ERBB4: variants seen among roughly 807,000 people sequenced by gnomAD.
The protein encoded by ERBB4 is receptor tyrosine-protein kinase erbB-4.
ERBB4 carries 42 observed loss-of-function variants against 158.0 expected under a neutral mutation model. The ratio of observed to expected loss-of-function variants is 0.27; its 90% CI spans 0.21 to 0.34. The LOEUF is 0.34. Ranked by LOEUF, ERBB4 falls within the 10% of genes least tolerant of loss-of-function variation. The probability of loss-of-function intolerance (pLI) is 1.00; values close to 1 mark genes in which losing one functional copy is unlikely to be tolerated. For missense variants in ERBB4, 1,333 were observed against 1,624.1 expected (o/e 0.82, Z 3.08); for synonymous variants, 583 against 558.7 (o/e 1.04, Z -0.61).
At chr2:211,852,175 T>A (rs1306362693) in intron 3 of ERBB4, among the ~76,000 whole-genome samples, 1 of 151,942 alleles carries the variant, frequency 6.6e-6, no homozygotes, top group African/African-American at 2.4e-5. Flanking sequence ...ACTTGCAGAT[T>A]AATCATCCAA....
chr2:212,256,071 C>T (rs1308765608), intron 1 of ERBB4, among the ~76,000 whole-genome samples: 1 of 151,294 alleles, frequency 6.6e-6, no homozygotes, highest in East Asian at 1.9e-4. Flanking sequence ...TGGTGTCAAG[C>T]AGTCCTCCCA....
At chr2:212,469,024 G>A (rs891966456) in intron 1 of ERBB4, among the ~76,000 whole-genome samples, 2 of 152,106 alleles carry the variant, frequency 1.3e-5, no homozygotes, top group African/African-American at 4.8e-5. Flanking sequence ...TTTCTAAAAT[G>A]TTAACTGTGT....
At chr2:212,505,110 T>A (rs6755764) in intron 1 of ERBB4, among the ~76,000 whole-genome samples, 1 of 152,176 alleles carries the variant, frequency 6.6e-6, no homozygotes, top group Admixed American at 6.5e-5. Flanking sequence ...TGGTTGGTTG[T>A]TTTTGAGACA....
At chr2:212,208,379 T>A (rs1003935532) in intron 1 of ERBB4, among the ~76,000 whole-genome samples, 1 of 152,108 alleles carries the variant, frequency 6.6e-6, no homozygotes, top group Non-Finnish European at 1.5e-5. Context: ...TAGTATATAA[T>A]ACTATACCAT....
At chr2:211,886,179 C>G (rs902152384) in intron 3 of ERBB4, among the ~76,000 whole-genome samples, 3 of 152,146 alleles carry the variant, frequency 2.0e-5, no homozygotes, top group African/African-American at 7.2e-5. Flanking sequence ...CTCTAACTTG[C>G]TTTTTATTCA....
In ERBB4 at chr2:211,722,434, G is replaced by A. The variant is rs1456943317; in HGVS notation, c.842C>T (p.Ala281Val). The change falls in exon 7 of 28, where the codon GCA becomes GTA. Residue 281 changes from alanine to valine, a missense_variant. By Grantham distance (64) the Ala-to-Val change is moderately conservative. This residue lies in a region of ERBB4 where 438 missense variants were observed against 586.9 expected (regional missense o/e 0.75). Coordinates refer to ENST00000342788, the MANE Select transcript of ERBB4 (RefSeq NM_005235.3). ...TTFQLEHNFN[A>V]KYTYGAFCVK... ...ACAGAATGCTCCATATGTGTACTTT[G>A]CATTGAAATTGTGCTCCAGTTGAAA... The A allele has an allele frequency of 6.2e-7, 1 of 1,613,610 alleles. No individual in the cohort carries two copies. The highest frequency in any genetic ancestry group is 8.5e-7 in the Non-Finnish European group (1 of 1,179,682).
intron 25 of ERBB4, among the ~76,000 whole-genome samples, chr2:211,396,151 TG>T (rs1266282533): frequency 1.3e-5 from 2 of 152,138 alleles, no homozygotes; most frequent in Non-Finnish European, 2.9e-5. Context: ...GCTCTGTGTA[TG>T]TGTGGATACA....
chr2:212,178,136 A>G (rs2081736207), intron 1 of ERBB4, among the ~76,000 whole-genome samples: 1 of 151,794 alleles, frequency 6.6e-6, no homozygotes, highest in Non-Finnish European at 1.5e-5. Context: ...AGAAATATCA[A>G]GGGTCTTATT....
chr2:211,860,263 C>T (rs2077977769), intron 3 of ERBB4, among the ~76,000 whole-genome samples: 2 of 152,214 alleles, frequency 1.3e-5, no homozygotes, highest in South Asian at 2.1e-4. Flanking sequence ...CTTGTTTGTG[C>T]TTTTAAGTTA....
At chr2:211,774,997 T>A (rs181899147) in intron 4 of ERBB4, among the ~76,000 whole-genome samples, 5 of 152,312 alleles carry the variant, frequency 3.3e-5, no homozygotes, top group African/African-American at 1.2e-4. Context: ...CTTTCTTAAT[T>A]GGTGGCTGCT....
intron 3 of ERBB4, among the ~76,000 whole-genome samples, chr2:211,800,717 A>C (rs1179672278): frequency 6.6e-6 from 1 of 151,766 alleles, no homozygotes; most frequent in South Asian, 2.1e-4. Flanking sequence ...CCATATCCCA[A>C]CCTCGTCTCT....
At chr2:211,605,284 A>T (rs2125821740) in intron 19 of ERBB4, among the ~76,000 whole-genome samples, 1 of 152,302 alleles carries the variant, frequency 6.6e-6, no homozygotes, top group South Asian at 2.1e-4. Context: ...CCAGAGGAAC[A>T]TTCTGAATGC....
At chr2:211,671,815 C>T (rs1205333852) in intron 14 of ERBB4, among the ~76,000 whole-genome samples, 4 of 152,134 alleles carry the variant, frequency 2.6e-5, no homozygotes, top group Admixed American at 6.6e-5. Flanking sequence ...TACAGAAATG[C>T]ACTTCCCTGT....
intron 3 of ERBB4, among the ~76,000 whole-genome samples, chr2:211,936,260 T>C (rs2080319157): frequency 6.6e-6 from 1 of 151,894 alleles, no homozygotes; most frequent in Non-Finnish European, 1.5e-5. Context: ...AAACTTGAAG[T>C]CCTTCTATTT....
chr2:212,000,725 G>A (rs1452977880), intron 2 of ERBB4, among the ~76,000 whole-genome samples: 4 of 151,722 alleles, frequency 2.6e-5, no homozygotes, highest in East Asian at 3.9e-4. Context: ...AAGAAGGTCA[G>A]AAAAAATGTC....
intron 2 of ERBB4, among the ~76,000 whole-genome samples, chr2:212,059,945 A>G (rs528839589): frequency 3.3e-5 from 5 of 152,354 alleles, no homozygotes; most frequent in Admixed American, 3.3e-4. Flanking sequence ...GACAAATGGG[A>G]TCTAATTAAA....
intron 2 of ERBB4, among the ~76,000 whole-genome samples, chr2:211,963,329 G>C (rs1337865799): frequency 1.1e-4 from 17 of 152,036 alleles, no homozygotes; most frequent in Non-Finnish European, 1.8e-4. Flanking sequence ...GAATAATCAA[G>C]TCCAAAATGT....
At chr2:211,941,862 A>G (rs764257835) in intron 3 of ERBB4, among the ~76,000 whole-genome samples, 1 of 152,130 alleles carries the variant, frequency 6.6e-6, no homozygotes, top group African/African-American at 2.4e-5. Flanking sequence ...AGATACAAGG[A>G]AAGAACACTA....
At chr2:211,775,296 A>G (rs1315829685) in intron 4 of ERBB4, among the ~76,000 whole-genome samples, 3 of 152,094 alleles carry the variant, frequency 2.0e-5, no homozygotes, top group Non-Finnish European at 2.9e-5. Context: ...GGACTTGGCT[A>G]TAGTTCTCTG....
Sources: allele counts gnomAD v4.1 joint callset (sites outside exome capture counted in the v4.1 genomes callset), GRCh38; gene constraint gnomAD v4.1.1; regional missense constraint gnomAD v4.1.1; transcripts MANE v1.5; gene names NCBI Gene and HGNC (gene_info 2026-07-23, HGNC 2026-07-21).